ZC3H12B: variants seen among roughly 807,000 people sequenced by gnomAD.
ZC3H12B encodes the protein probable ribonuclease ZC3H12B.
ZC3H12B carries 7 observed loss-of-function variants against 43.9 expected under a neutral mutation model. The ratio of observed to expected loss-of-function variants is 0.16; its 90% confidence interval spans 0.09 to 0.30. The LOEUF (loss-of-function observed/expected upper bound fraction) is 0.30. Among genes scored for constraint, ZC3H12B ranks in the 10% least tolerant of loss-of-function variants. The pLI, the probability that ZC3H12B is intolerant of heterozygous loss-of-function variation, is 1.00. For missense variants in ZC3H12B, 475 were observed against 670.2 expected, an observed-to-expected ratio of 0.71 and a Z score of 3.22; for synonymous variants, 222 against 241.7, an observed-to-expected ratio of 0.92 and a Z score of 0.76.
chrX:65,239,659 T>G, the ZC3H12B span, among the ~76,000 whole-genome samples: 1 of 112,356 alleles, frequency 8.9e-6, no homozygotes, highest in Non-Finnish European at 1.9e-5. Context: ...TTATGTGGTT[T>G]CTTGATAGTG....
chrX:65,494,787 T>A lies in ZC3H12B; in HGVS notation c.609-2345T>A, dbSNP rs1011134400. 2.1e-4 allele frequency among the ~76,000 whole-genome samples: 16 copies of A among 76,422 alleles called. No homozygotes were observed. The Admixed American group carries it at 2.4e-3, about 12-fold the overall frequency. 66.4% of individuals were successfully genotyped at this position (76,422 alleles called of 115,157 possible). On this transcript the variant is annotated intron_variant, in intron 1 of 4. Coordinates refer to ENST00000338957, the Ensembl canonical transcript of ZC3H12B. The stretch of plus-strand genomic sequence containing the variant: ...CAGAGCAAGACTCTGTCCCAAAAAA[T>A]AAATAAATAAATAAATAAATAAATA...
chrX:65,351,984 T>A, the ZC3H12B span, among the ~76,000 whole-genome samples: 7 of 112,395 alleles, frequency 6.2e-5, no homozygotes, highest in African/African-American at 2.3e-4. Context: ...CCCAAATGAT[T>A]ATAAATTATT....
At chrX:65,156,057 T>C in the ZC3H12B span, among the ~76,000 whole-genome samples, 1 of 111,388 alleles carries the variant, frequency 9.0e-6, no homozygotes, top group Non-Finnish European at 1.9e-5. Context: ...GAATCACTTT[T>C]GGCAAGTTGG....
intron 2 of ZC3H12B, among the ~76,000 whole-genome samples, chrX:65,376,554 G>C (rs1323789592): frequency 1.8e-5 from 2 of 111,663 alleles, no homozygotes; most frequent in African/African-American, 6.5e-5. Flanking sequence ...ACGACACCTA[G>C]CTCCAAGCAG....
the ZC3H12B span, among the ~76,000 whole-genome samples, chrX:65,153,307 T>C: frequency 4.5e-5 from 5 of 111,593 alleles, no homozygotes; most frequent in South Asian, 7.6e-4. Flanking sequence ...ACCTACAGAA[T>C]GGGAGAAAAT....
At chrX:65,207,115 T>C in the ZC3H12B span, among the ~76,000 whole-genome samples, 11 of 105,509 alleles carry the variant, frequency 1.0e-4, no homozygotes, top group Non-Finnish European at 1.9e-4. Context: ...CTTCAAGAAC[T>C]AAAAGTAGAA....
chrX:65,097,168 A>G, the ZC3H12B span, among the ~76,000 whole-genome samples: 1 of 111,966 alleles, frequency 8.9e-6, no homozygotes, highest in South Asian at 3.7e-4. Flanking sequence ...TTTCTTTGTA[A>G]CCTACTAATT....
At chrX:65,057,049 G>A in the ZC3H12B span, among the ~76,000 whole-genome samples, 1 of 112,043 alleles carries the variant, frequency 8.9e-6, no homozygotes, top group Non-Finnish European at 1.9e-5. Context: ...CAATTTGCCA[G>A]TCTGTGTCTT....
At chrX:65,264,569 T>A in the ZC3H12B span, among the ~76,000 whole-genome samples, 1 of 112,101 alleles carries the variant, frequency 8.9e-6, no homozygotes, top group Admixed American at 9.5e-5. Context: ...ATAATATTCA[T>A]TAAACATCTT....
chrX:65,475,229 A>T (rs1050171985), intron 3 of ZC3H12B, among the ~76,000 whole-genome samples: 1 of 111,797 alleles, frequency 8.9e-6, no homozygotes, highest in Non-Finnish European at 1.9e-5. Context: ...CCACCATTAC[A>T]TTGTTGCATT....
chrX:65,159,923 T>A, the ZC3H12B span, among the ~76,000 whole-genome samples: 1 of 111,750 alleles, frequency 8.9e-6, no homozygotes, highest in African/African-American at 3.3e-5. Context: ...TCTCATTATT[T>A]TGAGATACGT....
chrX:65,429,594 G>T (rs1270835272), intron 3 of ZC3H12B, among the ~76,000 whole-genome samples: 6 of 112,527 alleles, frequency 5.3e-5, no homozygotes, highest in Admixed American at 4.7e-4. Context: ...TGGACCATTT[G>T]GATTCTCCAA....
chrX:65,328,004 TG>T, the ZC3H12B span: 1 of 251,240 alleles, frequency 4.0e-6, no homozygotes, highest in Non-Finnish European at 8.0e-6. Context: ...AGCTTTACAG[TG>T]GTACTCAGGA....
the ZC3H12B span, among the ~76,000 whole-genome samples, chrX:65,155,498 G>C: frequency 9.0e-6 from 1 of 110,983 alleles, no homozygotes; most frequent in Non-Finnish European, 1.9e-5. Context: ...AATGATCCGT[G>C]GGTTTTCCTT....
the ZC3H12B span, among the ~76,000 whole-genome samples, chrX:65,207,249 T>TACACACACACACAC: frequency 3.9e-5 from 4 of 103,369 alleles, no homozygotes; most frequent in African/African-American, 1.5e-4. Context: ...TGTGTGTATA[T>TACACACACACACAC]ATACACACAC....
At chrX:65,380,802 T>A (rs180797509) in intron 2 of ZC3H12B, among the ~76,000 whole-genome samples, 1 of 110,683 alleles carries the variant, frequency 9.0e-6, no homozygotes, top group Non-Finnish European at 1.9e-5. Flanking sequence ...GGGGTTGCAA[T>A]CCTAGTCTCT....
the ZC3H12B span, chrX:65,356,925 A>G: frequency 1.5e-4 from 64 of 416,964 alleles, no homozygotes; most frequent in East Asian, 2.8e-3. Context: ...TAAAGTTCAC[A>G]TGCTAAACTC....
At chrX:65,255,729 A>T in the ZC3H12B span, among the ~76,000 whole-genome samples, 2 of 112,423 alleles carry the variant, frequency 1.8e-5, no homozygotes, top group Non-Finnish European at 3.8e-5. Flanking sequence ...CACAATTAAA[A>T]GGCACAAAGT....
chrX:65,099,519 C>G, the ZC3H12B span, among the ~76,000 whole-genome samples: 8 of 111,638 alleles, frequency 7.2e-5, no homozygotes, highest in Admixed American at 4.7e-4. Context: ...GACAAAGCTT[C>G]CAGAGGAAGG....
Sources: allele counts gnomAD v4.1 joint callset (sites outside exome capture counted in the v4.1 genomes callset), GRCh38; gene constraint gnomAD v4.1.1; transcripts MANE v1.5; gene names NCBI Gene and HGNC (gene_info 2026-07-23, HGNC 2026-07-21).